The following ACADS variants were observed in gnomAD, a reference collection of about 807,000 sequenced individuals.
ACADS encodes the protein acyl-CoA dehydrogenase short chain.
A neutral mutation model predicts 46.8 loss-of-function variants in ACADS; 28 were observed. The observed-to-expected ratio is 0.60, with a 90% CI of 0.44 to 0.82. The LOEUF (loss-of-function observed/expected upper bound fraction) is 0.82. Ranked by LOEUF, ACADS falls within the 40% of genes least tolerant of loss-of-function variation. The pLI is 0.00. For missense variants in ACADS, 528 were observed against 578.0 expected (o/e 0.91, Z 0.89); for synonymous variants, 236 against 237.7 (o/e 0.99, Z 0.07).
At chr12:120,737,627 A>C in intron 4 of ACADS, 160 bp downstream of exon 4, 1 of 1,048,604 alleles carries the variant, frequency 9.5e-7, no homozygotes, top group Non-Finnish European at 1.4e-6. Context: ...TGGGAGGAAG[A>C]TTGCCTTCGG....
intron 2 of ACADS, among the ~76,000 whole-genome samples, chr12:120,734,558 T>C (rs1883365431): frequency 6.6e-6 from 1 of 152,022 alleles, no homozygotes; most frequent in Non-Finnish European, 1.5e-5. Context: ...GACACACAGG[T>C]TGTCACAGAA....
At chr12:120,727,968 A>G (rs1883137790) in intron 2 of ACADS, among the ~76,000 whole-genome samples, 1 of 151,576 alleles carries the variant, frequency 6.6e-6, no homozygotes, top group Non-Finnish European at 1.5e-5. Context: ...TTTTTTTTGA[A>G]ATGGACTCTC....
At chr12:120,732,950 G>A (rs1006249887) in intron 2 of ACADS, among the ~76,000 whole-genome samples, 21 of 152,258 alleles carry the variant, frequency 1.4e-4, no homozygotes, top group Admixed American at 1.3e-4. Context: ...CTGAGTGAAC[G>A]AGACTCCGTC....
rs1883511721 is a variant in ACADS, at chr12:120,737,976, C to A, written c.612C>A (p.Ala204=). The stretch of plus-strand genomic sequence containing the variant: ...TGGTCTTTGCCAGCACGGACAGAGC[C>A]CTGCAAAACAAGGTGGGCCCACCCA... ...AAVVFASTDR[A]LQNKGISAFL... The change falls in exon 5 of 10, where the codon GCC becomes GCA. Residue 204 remains alanine (A), a synonymous_variant. Coordinates refer to ENST00000242592, the MANE Select transcript of ACADS (RefSeq NM_000017.4). 3 of 1,613,838 alleles carry A rather than the reference C, an allele frequency of 1.9e-6. No individual in the cohort carries two copies. The Admixed American group carries it at 5.0e-5, about 27-fold the overall frequency.
intron 2 of ACADS, among the ~76,000 whole-genome samples, chr12:120,734,475 C>T (rs1883363505): frequency 6.6e-6 from 1 of 152,202 alleles, no homozygotes; most frequent in African/African-American, 2.4e-5. Context: ...CTCCGCCCCG[C>T]ACTTAGAGTC....
Position 120,739,783 on chromosome 12 carries a change from G to C in ACADS, c.*335G>C. 2.6e-6 allele frequency: 1 copy of C among 381,180 alleles called. No individual in the cohort carries two copies. Among genetic ancestry groups the C allele is most frequent in the East Asian group, 5.4e-5 (1 of 18,590 alleles). The allele number at this position is 381,180 out of a possible 1,614,324, so 23.6% of individuals were successfully genotyped here. A position where few individuals can be genotyped will look rare whatever the true frequency, so the allele number is the denominator to read the frequency against. On this transcript the variant is annotated 3_prime_UTR_variant, in exon 10 of 10. Coordinates refer to ENST00000242592, the MANE Select transcript of ACADS (RefSeq NM_000017.4). ...CCTGGTGCCCTGGCATGAAGGCCCA[G>C]TGCGACAGGCCCTTGGTGGGGTCTG...
intron 1 of ACADS, 132 bp downstream of exon 1, chr12:120,726,063 C>A (rs913478363): frequency 1.7e-5 from 16 of 953,938 alleles, no homozygotes; most frequent in Admixed American, 6.6e-5. Context: ...ACGGCCTTTG[C>A]CCCAGTTCTG....
rs749242337 is a variant in ACADS, at chr12:120,738,356, G to A, written c.701G>A (p.Arg234Gln). The A allele has an allele frequency of 1.9e-6, 3 of 1,614,026 alleles. No individual in the cohort carries two copies. The highest frequency in any genetic ancestry group is 2.7e-5 in the African/African-American group (2 of 74,926). The change falls in exon 6 of 10, where the codon CGG (arginine) becomes CAG (glutamine). Residue 234 changes from arginine (R) to glutamine (Q), a missense_variant. Coordinates refer to ENST00000242592, the MANE Select transcript of ACADS (RefSeq NM_000017.4). ...AAGAAAGAAGACAAGCTGGGCATCC[G>A]GGGCTCATCCACGGCCAACCTCATC... is the stretch of plus-strand genomic sequence containing the variant. Reference protein sequence around the residue: ...LGKKEDKLGIRGSSTANLIFE... With the variant: ...LGKKEDKLGIQGSSTANLIFE...
intron 2 of ACADS, 88 bp downstream of exon 2, chr12:120,727,277 C>G (rs1286022907): frequency 6.4e-7 from 1 of 1,565,604 alleles, no homozygotes; most frequent in Non-Finnish European, 8.8e-7. Flanking sequence ...GGCACTCGGA[C>G]TCTGGTAGAG....
At chr12:120,727,956 A>AT (rs1218874827) in intron 2 of ACADS, among the ~76,000 whole-genome samples, 3 of 151,130 alleles carry the variant, frequency 2.0e-5, no homozygotes, top group East Asian at 1.9e-4. Context: ...TTATTTACTT[A>AT]TTTTTTTTTG....
At chr12:120,732,422 TCTC>T (rs1266627683) in intron 2 of ACADS, among the ~76,000 whole-genome samples, 2 of 147,006 alleles carry the variant, frequency 1.4e-5, no homozygotes, top group East Asian at 2.0e-4. Context: ...GCTCCTCACT[TCTC>T]AGACGGGGTG....
At chr12:120,726,700 G>A (rs1883095508) in intron 1 of ACADS, among the ~76,000 whole-genome samples, 1 of 152,228 alleles carries the variant, frequency 6.6e-6, no homozygotes, top group Non-Finnish European at 1.5e-5. Flanking sequence ...AGGACTGAAG[G>A]ATGTAGTGTA....
chr12:120,729,759 T>C (rs570999006), intron 2 of ACADS, among the ~76,000 whole-genome samples: 6 of 152,306 alleles, frequency 3.9e-5, no homozygotes, highest in South Asian at 2.1e-4. Flanking sequence ...AATCTAGAGA[T>C]AAATTTCAGA....
chr12:120,726,987 C>G (rs755065100), intron 1 of ACADS, 39 bp from the exon 2 acceptor site: 3 of 1,612,654 alleles, frequency 1.9e-6, no homozygotes, highest in Non-Finnish European at 2.5e-6. Context: ...TGGAGACCTC[C>G]TGCCTCCTCC....
Position 120,738,328 on chromosome 12 carries a change from G to C in ACADS, c.673G>C (p.Gly225Arg), listed in dbSNP as rs1181743442. ...VPMPTPGLTL[G>R]KKEDKLGIRG... ...CATGCCAACGCCTGGGCTCACGTTG[G>C]GGAAGAAAGAAGACAAGCTGGGCAT... The change falls in exon 6 of 10, where the codon GGG becomes CGG. Residue 225 changes from glycine to arginine, a missense_variant. Gly to Arg is a moderately radical substitution (Grantham distance 125, BLOSUM62 -2). Coordinates refer to ENST00000242592, the MANE Select transcript of ACADS (RefSeq NM_000017.4). 2 of 1,614,096 alleles carry C rather than the reference G, an allele frequency of 1.2e-6. No individual in the cohort carries two copies. The highest frequency in any genetic ancestry group is 2.2e-5 in the East Asian group (1 of 44,892).
rs2136949808 is a variant in ACADS, at chr12:120,738,329, G to A, written c.674G>A (p.Gly225Glu). The A allele has an allele frequency of 3.1e-6, 5 of 1,614,198 alleles. No homozygotes were observed. Among genetic ancestry groups the A allele is most frequent in the Non-Finnish European group, 4.2e-6 (5 of 1,180,040 alleles). ...ATGCCAACGCCTGGGCTCACGTTGG[G>A]GAAGAAAGAAGACAAGCTGGGCATC... ...VPMPTPGLTL[G>E]KKEDKLGIRG... The change falls in exon 6 of 10, where the codon GGG becomes GAG. Residue 225 changes from glycine (G) to glutamate (E), a missense_variant. Transcript: ENST00000242592.
chr12:120,733,650 C>T (rs545606123), intron 2 of ACADS, among the ~76,000 whole-genome samples: 2 of 149,684 alleles, frequency 1.3e-5, no homozygotes, highest in Admixed American at 6.7e-5. Context: ...AGGTGTGTGG[C>T]GGCCACAGAA....
intron 2 of ACADS, among the ~76,000 whole-genome samples, chr12:120,729,145 T>C (rs1351139891): frequency 6.6e-6 from 1 of 152,150 alleles, no homozygotes; most frequent in Non-Finnish European, 1.5e-5. Context: ...ATATTGGGGC[T>C]GGGACGGGCG....
At position 120,739,421 on chromosome 12, in the gene ACADS, G is replaced by A. The variant is rs1883586567; in HGVS notation, c.1212G>A (p.Gly404=). 6.2e-7 allele frequency: 1 copy of A among 1,611,496 alleles called. No individual in the cohort carries two copies. Among genetic ancestry groups the A allele is most frequent in the Non-Finnish European group, 8.5e-7 (1 of 1,179,842 alleles). Residue 404 remains glycine, a synonymous_variant, in exon 10 of 10, where the codon GGG becomes GGA. Coordinates refer to ENST00000242592, the MANE Select transcript of ACADS (RefSeq NM_000017.4). The part of the protein sequence containing the change: ...TSEIQRLVIA[G]HLLRSYRS Reference sequence around the variant, plus strand: ...AAATCCAGCGGCTGGTGATCGCCGGGCATCTGCTCAGGAGCTACCGGAGCT... The same window carrying A: ...AAATCCAGCGGCTGGTGATCGCCGGACATCTGCTCAGGAGCTACCGGAGCT...
Sources: allele counts gnomAD v4.1 joint callset (sites outside exome capture counted in the v4.1 genomes callset), GRCh38; gene constraint gnomAD v4.1.1; transcripts MANE v1.5; gene names NCBI Gene and HGNC (gene_info 2026-07-23, HGNC 2026-07-21).